The following ACRBP variants were observed in gnomAD, a reference collection of about 807,000 sequenced individuals.
The protein encoded by ACRBP is acrosin-binding protein.
ACRBP carries 52 observed loss-of-function variants against 69.0 expected under a neutral mutation model. The observed-to-expected ratio is 0.75, with a 90% CI of 0.60 to 0.95. ACRBP has a LOEUF of 0.95. Among genes scored for constraint, ACRBP ranks in the 40% least tolerant of loss-of-function variants. The pLI is 0.00. For missense variants in ACRBP, 604 were observed against 673.0 expected (o/e 0.90, Z 1.13); for synonymous variants, 267 against 258.9 (o/e 1.03, Z -0.30).
rs1170332970 is a variant in ACRBP, at chr12:6,640,790, T to A, written c.1078-268A>T. Among the ~76,000 whole-genome samples, 1 of 152,132 alleles carries A rather than the reference T, an allele frequency of 6.6e-6. No individual in the cohort carries two copies. Among genetic ancestry groups the A allele is most frequent in the East Asian group, 1.9e-4 (1 of 5,200 alleles). Reference sequence around the variant, plus strand: ...CCCAAATCTTTATCACCAGCTCTGATCTCTCTCTTGGGCTCCAAATCCTCA... The same window carrying A: ...CCCAAATCTTTATCACCAGCTCTGAACTCTCTCTTGGGCTCCAAATCCTCA... On this transcript the variant is annotated intron_variant, in intron 6 of 9. Transcript: ENST00000229243. This position sits in a 1 kb window ranked among gnomAD's most constrained non-coding sequence, Gnocchi z 5.3.
At position 6,638,166 on chromosome 12, in the gene ACRBP, A is replaced by T. The variant is rs752305322; in HGVS notation, c.*116T>A. The T allele has an allele frequency of 3.6e-5, 52 of 1,451,058 alleles. No individual in the cohort carries two copies. Among genetic ancestry groups the T allele is most frequent in the Non-Finnish European group, 4.8e-5 (51 of 1,065,650 alleles). 89.9% of individuals were successfully genotyped at this position (1,451,058 alleles called of 1,614,324 possible). On this transcript the variant is annotated 3_prime_UTR_variant, in exon 10 of 10. Coordinates refer to ENST00000229243, the MANE Select transcript of ACRBP (RefSeq NM_032489.3). Reference sequence around the variant, plus strand: ...GGGACTGTTGCTCCAACCCAAGGAAATGTGAGTAGGGGCCGAGTAACAGAC... The same window carrying T: ...GGGACTGTTGCTCCAACCCAAGGAATTGTGAGTAGGGGCCGAGTAACAGAC...
chr12:6,645,960 C>A (rs576515979), intron 3 of ACRBP, among the ~76,000 whole-genome samples: 1 of 148,724 alleles, frequency 6.7e-6, no homozygotes, highest in Non-Finnish European at 1.5e-5. Flanking sequence ...GCACTCGTCC[C>A]TGTTGTTGTT....
Position 6,640,207 on chromosome 12 carries a change from G to C in ACRBP, c.1278C>G (p.Gly426=). 6.2e-7 allele frequency: 1 copy of C among 1,614,190 alleles called. No homozygotes were observed. The highest frequency in any genetic ancestry group is 2.2e-5 in the East Asian group (1 of 44,888). ...IGNQVGSPES[G]RFYGLDLYGG... is the part of the protein sequence containing the mutation. ...CGTACAAATCCAGCCCGTAAAAGCG[G>C]CCTGATTCTGGGGACCCTACCTGTG... The change falls in exon 8 of 10, where the codon GGC becomes GGG. Residue 426 remains glycine, a synonymous_variant. Transcript: ENST00000229243. The surrounding 1 kb of genome is among the most constrained non-coding windows in gnomAD (Gnocchi z 5.3).
rs143977947 is a variant in ACRBP at position 6,640,121 on chromosome 12, C to A, written c.1364G>T (p.Arg455Leu). Residue 455 changes from arginine to leucine, a missense_variant, in exon 8 of 10, where the codon CGA becomes CTA. Coordinates refer to ENST00000229243, the MANE Select transcript of ACRBP (RefSeq NM_032489.3). The surrounding 1 kb of genome is among the most constrained non-coding windows in gnomAD (Gnocchi z 5.3). The part of the protein sequence containing the change: ...RLATKGCEDV[R>L]VSGWLQTEFL... Reference sequence around the variant, plus strand: ...CTCAGTCTGGAGCCACCCAGAGACTCGGACATCTTCACAGCCTTTCGTGGC... The same window carrying A: ...CTCAGTCTGGAGCCACCCAGAGACTAGGACATCTTCACAGCCTTTCGTGGC... 2 of 1,614,090 alleles carry A rather than the reference C, an allele frequency of 1.2e-6. No individual in the cohort carries two copies. The highest frequency in any genetic ancestry group is 1.3e-5 in the African/African-American group (1 of 74,936).
chr12:6,639,248 G>C lies in ACRBP; in HGVS notation c.1426-211C>G, dbSNP rs7977001. On this transcript the variant is annotated intron_variant, in intron 8 of 9. Transcript: ENST00000229243. ...CTGGGAAGAAGCCAGGAGCCTGGGA[G>C]AGTATGAGGCTGCCAGTCAGCTTAC... is the stretch of plus-strand genomic sequence containing the variant. Among the ~76,000 whole-genome samples the C allele has an allele frequency of 2.5e-3, 384 of 152,360 alleles. 2 individuals are homozygous for C. Among genetic ancestry groups the C allele is most frequent in the African/African-American group, 8.2e-3 (340 of 41,588 alleles).
rs768482625 is a variant in ACRBP, at chr12:6,646,972, C to A, written c.84G>T (p.Ser28=). ...LPLAPAAAQD[S]TQASTPGSPL... ...GGCTGCCTGGAGTGGAGGCCTGAGT[C>A]GAATCCTGGGCTGCGGCAGGTGCCA... Residue 28 remains serine, a synonymous_variant, in exon 2 of 10, where the codon TCG becomes TCT. Coordinates refer to ENST00000229243, the MANE Select transcript of ACRBP (RefSeq NM_032489.3). 1 of 1,612,560 alleles carries A rather than the reference C, an allele frequency of 6.2e-7. No individual in the cohort carries two copies. The highest frequency in any genetic ancestry group is 2.2e-5 in the East Asian group (1 of 44,886).
Position 6,647,021 on chromosome 12 carries a change from C to G in ACRBP, c.44-9G>C. On this transcript the variant is annotated splice_polypyrimidine_tract_variant and intron_variant, in intron 1 of 9. Coordinates refer to ENST00000229243, the MANE Select transcript of ACRBP (RefSeq NM_032489.3). ...CAGAGGCAGGAGCAGCACTGCGGAGCGGGCGAACGGATGATGGAAGGACCG... is the reference window on the plus strand; with the variant it reads ...CAGAGGCAGGAGCAGCACTGCGGAGGGGGCGAACGGATGATGGAAGGACCG... The G allele has an allele frequency of 1.2e-6, 2 of 1,605,882 alleles. No individual in the cohort carries two copies. Among genetic ancestry groups the G allele is most frequent in the Non-Finnish European group, 1.7e-6 (2 of 1,179,058 alleles).
At chr12:6,645,897 T>A (rs886236531) in intron 3 of ACRBP, among the ~76,000 whole-genome samples, 1 of 151,858 alleles carries the variant, frequency 6.6e-6, no homozygotes, top group African/African-American at 2.4e-5. Flanking sequence ...CCTGACCTCA[T>A]GATCTGCCTG....
chr12:6,640,527 G>A lies in ACRBP; in HGVS notation c.1078-5C>T, dbSNP rs779617398. The A allele has an allele frequency of 6.2e-6, 10 of 1,612,480 alleles. No individual in the cohort carries two copies. The Admixed American group carries it at 1.2e-4, about 19-fold the overall frequency. On this transcript the variant is annotated splice_polypyrimidine_tract_variant and splice_region_variant and intron_variant, in intron 6 of 9. Coordinates refer to ENST00000229243, the MANE Select transcript of ACRBP (RefSeq NM_032489.3). This position sits in a 1 kb window ranked among gnomAD's most constrained non-coding sequence, Gnocchi z 5.3. The stretch of plus-strand genomic sequence containing the variant: ...CCGCCCAAGGCTGTCACAGACCTGG[G>A]GCAGGGGAATGGGTGAGGCTGAAGC...
In ACRBP at chr12:6,647,264, T is replaced by C. The variant is rs372085934; in HGVS notation, c.43+60A>G. 5.0e-5 allele frequency: 75 copies of C among 1,511,248 alleles called. No individual in the cohort carries two copies. The African/African-American group carries it at 9.4e-4, about 19-fold the overall frequency. The allele number at this position is 1,511,248 out of a possible 1,614,324, so 93.6% of individuals were successfully genotyped here. On this transcript the variant is annotated intron_variant, in intron 1 of 9. Transcript: ENST00000229243. Reference sequence around the variant, plus strand: ...GATCCAGAAACCGTAAAAGCAGAGCTCTCGGGAGGGAGAGGACTAGCCCGG... The same window carrying C: ...GATCCAGAAACCGTAAAAGCAGAGCCCTCGGGAGGGAGAGGACTAGCCCGG...
At position 6,639,096 on chromosome 12, in the gene ACRBP, C is replaced by T. The variant is rs1166579125; in HGVS notation, c.1426-59G>A. 5 of 1,486,918 alleles carry T rather than the reference C, an allele frequency of 3.4e-6. No individual in the cohort carries two copies. The Admixed American group carries it at 5.0e-5, about 15-fold the overall frequency. The allele number at this position is 1,486,918 out of a possible 1,614,324, so 92.1% of individuals were successfully genotyped here. ...TCAGAAGCCTCACCAGGCAGCAGCA[C>T]TCCAGGGAATATCTGCTAGGGCAGA... On this transcript the variant is annotated intron_variant, in intron 8 of 9. Coordinates refer to ENST00000229243, the MANE Select transcript of ACRBP (RefSeq NM_032489.3).
At chr12:6,642,508 C>T (rs1393930681) in intron 6 of ACRBP, among the ~76,000 whole-genome samples, 1 of 152,182 alleles carries the variant, frequency 6.6e-6, no homozygotes, top group Non-Finnish European at 1.5e-5. Flanking sequence ...GTTAACCCAT[C>T]ATTCCAGTAC....
chr12:6,638,611 C>T, intron 9 of ACRBP: 1 of 1,261,272 alleles, frequency 7.9e-7, no homozygotes, highest in East Asian at 2.6e-5. Context: ...AAACAGGCGG[C>T]TGAGGCTCAG....
intron 3 of ACRBP, 145 bp downstream of exon 3, chr12:6,646,338 T>A (rs1327754049): frequency 4.3e-6 from 3 of 697,252 alleles, no homozygotes; most frequent in Non-Finnish European, 7.7e-6. Context: ...ACTGTATTCA[T>A]ATATAATCTG....
chr12:6,640,740 G>T lies in ACRBP; in HGVS notation c.1078-218C>A, dbSNP rs888448398. ...TTCCTGGATGATTTATCTACTCCTA[G>T]GTAATCATCTATCTGCGAGTGACAC... On this transcript the variant is annotated intron_variant, in intron 6 of 9. Coordinates refer to ENST00000229243, the MANE Select transcript of ACRBP (RefSeq NM_032489.3). This position sits in a 1 kb window ranked among gnomAD's most constrained non-coding sequence, Gnocchi z 5.3. 2.0e-5 allele frequency among the ~76,000 whole-genome samples: 3 copies of T among 152,150 alleles called. No homozygotes were observed. The highest frequency in any genetic ancestry group is 4.4e-5 in the Non-Finnish European group (3 of 68,024).
chr12:6,646,857 C>T lies in ACRBP; in HGVS notation c.199G>A (p.Gly67Ser), dbSNP rs766923238. Residue 67 changes from glycine (G) to serine (S), a missense_variant, in exon 2 of 10, where the codon GGC becomes AGC. Around this residue, in one of 3 missense-constraint regions of ACRBP, gnomAD observed 532 missense variants for 562.9 expected, o/e 0.95. Transcript: ENST00000229243. The part of the protein sequence containing the change: ...ETTCRLRATH[G>S]CRNPTLVQLD... ...TGGACGAGTGTGGGATTCCGGCAGCCGTGGGTTGCACGGAGACGGCAGGTA... is the reference window on the plus strand; with the variant it reads ...TGGACGAGTGTGGGATTCCGGCAGCTGTGGGTTGCACGGAGACGGCAGGTA... The T allele has an allele frequency of 1.9e-6, 3 of 1,614,108 alleles. No homozygotes were observed. Among genetic ancestry groups the T allele is most frequent in the South Asian group, 2.2e-5 (2 of 91,084 alleles).
At chr12:6,644,711 A>G in intron 4 of ACRBP, 106 bp from the exon 5 acceptor site, 1 of 1,459,368 alleles carries the variant, frequency 6.9e-7, no homozygotes, top group Non-Finnish European at 9.1e-7. Context: ...ACCAAGTCAC[A>G]CTTATACACA....
In ACRBP at chr12:6,645,666, G is replaced by GTTTTT. The variant is rs3054294; in HGVS notation, c.358-334_358-330dup. 2.8e-5 allele frequency among the ~76,000 whole-genome samples: 4 copies of GTTTTT among 142,740 alleles called. 1 individual carries two copies. The highest frequency in any genetic ancestry group is 7.0e-5 in the Admixed American group (1 of 14,234). 93.6% of individuals were successfully genotyped at this position (142,740 alleles called of 152,430 possible). A position where few individuals can be genotyped will look rare whatever the true frequency, so the allele number is the denominator to read the frequency against. On this transcript the variant is annotated intron_variant, in intron 3 of 9. Transcript: ENST00000229243. ...TTTGGGTTTTGGGTTTGTTTTTTTT[G>GTTTTT]TTTTTTTTTTTTGAGACGGAGTCTC... is the stretch of plus-strand genomic sequence containing the variant.
intron 8 of ACRBP, among the ~76,000 whole-genome samples, chr12:6,639,477 G>A (rs1441185183): frequency 6.6e-6 from 1 of 152,224 alleles, no homozygotes; most frequent in African/African-American, 2.4e-5. Context: ...AGCTGGACAT[G>A]GGCCCCCCAG....
Sources: allele counts gnomAD v4.1 joint callset (sites outside exome capture counted in the v4.1 genomes callset), GRCh38; gene constraint gnomAD v4.1.1; regional missense constraint gnomAD v4.1.1; non-coding constraint Gnocchi (gnomAD v3.1); transcripts MANE v1.5; gene names NCBI Gene and HGNC (gene_info 2026-07-23, HGNC 2026-07-21).